The following SYTL2 variants were observed in gnomAD, a reference collection of about 807,000 sequenced individuals.
SYTL2 encodes the protein synaptotagmin-like protein 2.
In SYTL2, 165 loss-of-function variants were observed where a neutral mutation model predicts 198.7. That is an observed-to-expected ratio of 0.83 (90% CI 0.73 to 0.94). The LOEUF is 0.94. Ranked by LOEUF, SYTL2 falls within the 40% of genes least tolerant of loss-of-function variation. The pLI, the probability that SYTL2 is intolerant of heterozygous loss-of-function variation, is 0.00. For synonymous variants in SYTL2, 966 were observed against 917.7 expected, an observed-to-expected ratio of 1.05 and a Z score of -0.95; for missense variants, 2,835 against 2,582.8, an observed-to-expected ratio of 1.10 and a Z score of -2.12.
chr11:85,697,248 C>G (rs1011719667), intron 18 of SYTL2, among the ~76,000 whole-genome samples: 8 of 152,034 alleles, frequency 5.3e-5, no homozygotes, highest in Non-Finnish European at 1.2e-4. Flanking sequence ...CTATGTTGAC[C>G]AGGCTGGTCT....
chr11:85,726,196 T>C lies in SYTL2; in HGVS notation c.3162A>G (p.Leu1054=), dbSNP rs1460155849. The C allele has an allele frequency of 6.2e-7, 1 of 1,613,718 alleles. No individual in the cohort carries two copies. Among genetic ancestry groups the C allele is most frequent in the East Asian group, 2.2e-5 (1 of 44,874 alleles). Residue 1054 remains leucine, a synonymous_variant, in exon 8 of 20, where the codon TTA becomes TTG. Transcript: ENST00000359152. Reference sequence around the variant, plus strand: ...GCACCTGGAGTATGCCCTTTGAATTTAATTTCTCCATTTCCTCTCTTGCCA... The same window carrying C: ...GCACCTGGAGTATGCCCTTTGAATTCAATTTCTCCATTTCCTCTCTTGCCA... ...KVMAREEMEK[L]NSKGILQVLP...
At chr11:85,819,615 T>C in the SYTL2 span, among the ~76,000 whole-genome samples, 2 of 152,232 alleles carry the variant, frequency 1.3e-5, no homozygotes, top group African/African-American at 4.8e-5. Flanking sequence ...TTGCTAATGT[T>C]CATTTGGCCA....
the SYTL2 span, among the ~76,000 whole-genome samples, chr11:85,840,348 C>T: frequency 0.013 from 1,930 of 152,214 alleles, 49 homozygotes; most frequent in African/African-American, 0.043. Flanking sequence ...GGGTATTACT[C>T]AAGAAAGCAT....
At chr11:85,699,578 CG>C (rs1461343270) in intron 17 of SYTL2, among the ~76,000 whole-genome samples, 1 of 151,258 alleles carries the variant, frequency 6.6e-6, no homozygotes, top group Admixed American at 6.6e-5. Flanking sequence ...TTTTGGGGGG[CG>C]GGGGGCGGTA....
intron 1 of SYTL2, among the ~76,000 whole-genome samples, chr11:85,793,717 A>C (rs1240585264): frequency 6.6e-6 from 1 of 152,236 alleles, no homozygotes; most frequent in Non-Finnish European, 1.5e-5. Context: ...AGAAATAGGC[A>C]TATCCATGGT....
At chr11:85,697,943 C>T in intron 18 of SYTL2, 36 bp downstream of exon 18, 1 of 1,394,886 alleles carries the variant, frequency 7.2e-7, no homozygotes, top group Middle Eastern at 1.8e-4. Context: ...GACCAGGCTA[C>T]AGAACTGTTG....
At chr11:85,800,326 A>G (rs1411694631) in intron 1 of SYTL2, among the ~76,000 whole-genome samples, 1 of 152,170 alleles carries the variant, frequency 6.6e-6, no homozygotes, top group East Asian at 1.9e-4. Flanking sequence ...CCCAGGCTGG[A>G]GTTCAGCAGC....
the SYTL2 span, among the ~76,000 whole-genome samples, chr11:85,845,325 G>A: frequency 6.6e-6 from 1 of 152,324 alleles, no homozygotes; most frequent in East Asian, 1.9e-4. Flanking sequence ...AGCTACAACT[G>A]CCCAATGAAG....
intron 6 of SYTL2, among the ~76,000 whole-genome samples, chr11:85,734,984 C>A (rs1468450523): frequency 6.6e-6 from 1 of 152,176 alleles, no homozygotes; most frequent in Non-Finnish European, 1.5e-5. Context: ...CACTATTATA[C>A]TTTTGTCTAA....
At chr11:85,769,900 G>A (rs776572400) in intron 1 of SYTL2, among the ~76,000 whole-genome samples, 3 of 152,116 alleles carry the variant, frequency 2.0e-5, no homozygotes, top group Non-Finnish European at 2.9e-5. Context: ...GCAAAAACAC[G>A]CAGTTTATGT....
intron 1 of SYTL2, among the ~76,000 whole-genome samples, chr11:85,761,272 G>C (rs2092088433): frequency 6.6e-6 from 1 of 152,214 alleles, no homozygotes; most frequent in Non-Finnish European, 1.5e-5. Flanking sequence ...AATAACTCAG[G>C]GAGAGTAGGA....
chr11:85,838,700 C>T, the SYTL2 span, among the ~76,000 whole-genome samples: 4 of 152,104 alleles, frequency 2.6e-5, no homozygotes, highest in Non-Finnish European at 5.9e-5. Context: ...GGGATTCACC[C>T]CCGTGACCCA....
At chr11:85,823,119 C>T in the SYTL2 span, among the ~76,000 whole-genome samples, 2 of 152,260 alleles carry the variant, frequency 1.3e-5, no homozygotes, top group Admixed American at 1.3e-4. Flanking sequence ...ACTCAACTAA[C>T]AAACATTTGA....
In SYTL2 at chr11:85,760,332, T is replaced by C. The variant is rs549535957; in HGVS notation, c.-389-2218A>G. On this transcript the variant is annotated intron_variant, in intron 1 of 19. Transcript: ENST00000359152. ...ATACGATACTCCCGCAGCAGGAACCTGCTAATACAAACACTTTCTCCTCCA... is the reference window on the plus strand; with the variant it reads ...ATACGATACTCCCGCAGCAGGAACCCGCTAATACAAACACTTTCTCCTCCA... Among the ~76,000 whole-genome samples the C allele has an allele frequency of 1.1e-4, 17 of 152,348 alleles. 1 individual carries two copies. The South Asian group carries it at 3.3e-3, about 30-fold the overall frequency.
the SYTL2 span, among the ~76,000 whole-genome samples, chr11:85,817,369 C>G: frequency 2.0e-5 from 3 of 152,270 alleles, no homozygotes; most frequent in Non-Finnish European, 4.4e-5. Flanking sequence ...GGGCTAGTGA[C>G]TAGTCTAGAT....
In SYTL2 at chr11:85,724,582, G is replaced by T; in HGVS notation, c.4776C>A (p.His1592Gln). The T allele has an allele frequency of 6.2e-7, 1 of 1,613,092 alleles. No individual in the cohort carries two copies. Among genetic ancestry groups the T allele is most frequent in the Non-Finnish European group, 8.5e-7 (1 of 1,179,716 alleles). The stretch of plus-strand genomic sequence containing the variant: ...GCTCTGACTGTGAGGACTCCTTCTC[G>T]TGAGTTTCTTCTCTCACTGACACCT... Reference protein sequence around the residue: ...QPQVSVREETHEKESSQSEQT... With the variant: ...QPQVSVREETQEKESSQSEQT... The change falls in exon 8 of 20, where the codon CAC (histidine) becomes CAA (glutamine). Residue 1592 changes from histidine to glutamine, a missense_variant. By Grantham distance (24) the His-to-Gln change is conservative. Coordinates refer to ENST00000359152, the MANE Select transcript of SYTL2 (RefSeq NM_206927.4).
At chr11:85,742,115 C>G (rs1336028884) in intron 4 of SYTL2, among the ~76,000 whole-genome samples, 1 of 152,186 alleles carries the variant, frequency 6.6e-6, no homozygotes, top group East Asian at 1.9e-4. Flanking sequence ...CTAGCCATTA[C>G]AAACCTCTGC....
chr11:85,751,030 C>T (rs995214289), intron 2 of SYTL2, among the ~76,000 whole-genome samples: 10 of 152,116 alleles, frequency 6.6e-5, no homozygotes, highest in East Asian at 3.9e-4. Context: ...TGTAAGCCCA[C>T]GATCAATGCA....
chr11:85,836,351 C>T, the SYTL2 span, among the ~76,000 whole-genome samples: 1 of 152,064 alleles, frequency 6.6e-6, no homozygotes, highest in Non-Finnish European at 1.5e-5. Flanking sequence ...CCTACCCAAC[C>T]CCACCATACA....
Sources: gnomAD v4.1 joint callset for allele counts (sites outside exome capture counted in the v4.1 genomes callset) on GRCh38, gnomAD v4.1.1 for gene constraint, MANE v1.5 for transcripts, NCBI Gene and HGNC (gene_info 2026-07-23, HGNC 2026-07-21) for gene names.